Variants in TXNL1 observed in about 807,000 individuals in gnomAD.
TXNL1 encodes the protein thioredoxin like 1.
TXNL1 carries 14 observed loss-of-function variants against 35.5 expected under a neutral mutation model. The ratio of observed to expected loss-of-function variants is 0.39; its 90% CI spans 0.26 to 0.62. The LOEUF is 0.62. TXNL1 is among the 20% of genes least tolerant of loss of function. The pLI is 0.47. For synonymous variants in TXNL1, 110 were observed against 115.5 expected, an observed-to-expected ratio of 0.95 and a Z score of 0.31; for missense variants, 263 against 349.7, an observed-to-expected ratio of 0.75 and a Z score of 1.98.
chr18:56,635,917 A>G (rs918040396), intron 1 of TXNL1, among the ~76,000 whole-genome samples: 1 of 152,212 alleles, frequency 6.6e-6, no homozygotes, highest in Non-Finnish European at 1.5e-5. Flanking sequence ...TGCCTAAGGT[A>G]AATGCTATGT....
intron 1 of TXNL1, among the ~76,000 whole-genome samples, chr18:56,630,958 G>A (rs1473926435): frequency 6.6e-6 from 1 of 151,260 alleles, no homozygotes; most frequent in African/African-American, 2.4e-5. Context: ...ATGGCTCACT[G>A]CAGCCTCATT....
intron 7 of TXNL1, chr18:56,608,764 T>C (rs1384066423): frequency 2.6e-5 from 4 of 151,990 alleles, no homozygotes; most frequent in Non-Finnish European, 4.4e-5. Context: ...CTGGGCAACA[T>C]AGTAAGACCC....
chr18:56,634,632 C>T (rs1037593877), intron 1 of TXNL1, among the ~76,000 whole-genome samples: 6 of 151,994 alleles, frequency 3.9e-5, no homozygotes, highest in African/African-American at 1.4e-4. Context: ...TGAACTGGAC[C>T]CTAACTTTAT....
At chr18:56,623,338 G>T (rs1201984973) in intron 3 of TXNL1, among the ~76,000 whole-genome samples, 1 of 150,226 alleles carries the variant, frequency 6.7e-6, no homozygotes, top group African/African-American at 2.4e-5. Context: ...TGAGGCAGGA[G>T]AATAGCTTGA....
At chr18:56,625,893 C>A (rs2144322132) in intron 2 of TXNL1, among the ~76,000 whole-genome samples, 1 of 152,210 alleles carries the variant, frequency 6.6e-6, no homozygotes, top group Middle Eastern at 3.4e-3. Flanking sequence ...ATAATCAGGG[C>A]AATTCACCTA....
chr18:56,616,867 G>A (rs980768329), intron 4 of TXNL1, among the ~76,000 whole-genome samples: 12 of 152,142 alleles, frequency 7.9e-5, no homozygotes, highest in African/African-American at 2.7e-4. Flanking sequence ...GGCCACATAA[G>A]GGAAGAGGAA....
chr18:56,616,131 CAA>C (rs778338602), intron 5 of TXNL1, 112 bp downstream of exon 5: 18,709 of 659,864 alleles, frequency 0.028, no homozygotes, highest in South Asian at 0.042. Flanking sequence ...GACTCTGTCT[CAA>C]AAAAAAAAAA....
At chr18:56,615,397 A>AG (rs1458500326) in intron 5 of TXNL1, among the ~76,000 whole-genome samples, 1 of 150,578 alleles carries the variant, frequency 6.6e-6, no homozygotes, top group African/African-American at 2.4e-5. Flanking sequence ...ATCGAAAAAA[A>AG]AAAAAAAAAT....
intron 7 of TXNL1, among the ~76,000 whole-genome samples, chr18:56,607,072 C>G (rs1598911068): frequency 6.6e-6 from 1 of 152,140 alleles, no homozygotes; most frequent in East Asian, 1.9e-4. Flanking sequence ...TCGCTGCAGC[C>G]TTGAACTCCA....
chr18:56,614,412 A>G lies in TXNL1; in HGVS notation c.735+12T>C, dbSNP rs377029415. On this transcript the variant is annotated intron_variant, in intron 6 of 7. Transcript: ENST00000217515. The stretch of plus-strand genomic sequence containing the variant: ...AAACCTATTAAATACATATGAACGA[A>G]ATACTACTTACAGTTACACTGTTAA... 1.2e-6 allele frequency: 2 copies of G among 1,609,774 alleles called. No homozygotes were observed. The highest frequency in any genetic ancestry group is 1.3e-5 in the African/African-American group (1 of 74,776).
chr18:56,615,470 T>TGGGATG (rs2024070372), intron 5 of TXNL1, among the ~76,000 whole-genome samples: 1 of 136,324 alleles, frequency 7.3e-6, no homozygotes, highest in Non-Finnish European at 1.5e-5. Context: ...AAAGAAAAAA[T>TGGGATG]GGGGGGGGGC....
At chr18:56,632,787 A>T (rs748885399) in intron 1 of TXNL1, among the ~76,000 whole-genome samples, 2 of 152,152 alleles carry the variant, frequency 1.3e-5, no homozygotes, top group Non-Finnish European at 2.9e-5. Flanking sequence ...ATTTTTGTAT[A>T]TTTGCACTTC....
Position 56,624,344 on chromosome 18 carries a change from G to C in TXNL1, c.313C>G (p.Gln105Glu). 1 of 1,613,780 alleles carries C rather than the reference G, an allele frequency of 6.2e-7. No homozygotes were observed. The highest frequency in any genetic ancestry group is 8.5e-7 in the Non-Finnish European group (1 of 1,179,858). Residue 105 changes from glutamine (Q) to glutamate (E), a missense_variant, in exon 3 of 8, where the codon CAG becomes GAG. Transcript: ENST00000217515. ...DAVGLEEKIK[Q>E]HLENDPGSNE... is the part of the protein sequence containing the mutation. The stretch of plus-strand genomic sequence containing the variant: ...CTTCCAGGGTCATTTTCTAAGTGCT[G>C]CTTGATTTTTTCTTCTAATCCCACA...
intron 4 of TXNL1, among the ~76,000 whole-genome samples, chr18:56,617,505 G>T (rs111941340): frequency 6.6e-6 from 1 of 152,212 alleles, no homozygotes; most frequent in Non-Finnish European, 1.5e-5. Flanking sequence ...ACTGAGAAAA[G>T]TAACAGCCAA....
chr18:56,609,773 A>T (rs1250684670), intron 7 of TXNL1: 1 of 152,214 alleles, frequency 6.6e-6, no homozygotes, highest in Non-Finnish European at 1.5e-5. Context: ...GTAGATGCTT[A>T]ATCTCTGCTT....
chr18:56,620,458 T>C (rs897523179), intron 3 of TXNL1, among the ~76,000 whole-genome samples: 1 of 152,242 alleles, frequency 6.6e-6, no homozygotes, highest in Non-Finnish European at 1.5e-5. Context: ...ACAGTAACAG[T>C]AGATTACCTG....
At chr18:56,607,315 T>C (rs2023915500) in intron 7 of TXNL1, among the ~76,000 whole-genome samples, 1 of 151,608 alleles carries the variant, frequency 6.6e-6, no homozygotes, top group South Asian at 2.1e-4. Context: ...CCGTCTTGCA[T>C]GGGTAATTTT....
intron 7 of TXNL1, chr18:56,610,534 T>G (rs992976022): frequency 6.6e-6 from 1 of 152,450 alleles, no homozygotes; most frequent in Admixed American, 6.5e-5. Flanking sequence ...CAAACATGGT[T>G]TGGAAAGTTA....
intron 3 of TXNL1, among the ~76,000 whole-genome samples, chr18:56,621,266 C>T (rs1426372035): frequency 2.7e-5 from 4 of 148,776 alleles, no homozygotes; most frequent in Non-Finnish European, 5.9e-5. Flanking sequence ...GTTGCAGTGG[C>T]GCAATCTTGG....
Sources: allele counts gnomAD v4.1 joint callset (sites outside exome capture counted in the v4.1 genomes callset), GRCh38; gene constraint gnomAD v4.1.1; transcripts MANE v1.5; gene names NCBI Gene and HGNC (gene_info 2026-07-23, HGNC 2026-07-21).